The following RASGRF2 variants were observed in gnomAD, a reference collection of about 807,000 sequenced individuals.
The protein encoded by RASGRF2 is Ras protein specific guanine nucleotide releasing factor 2, also known as ras-specific guanine nucleotide-releasing factor 2.
A neutral mutation model predicts 151.0 loss-of-function variants in RASGRF2; 76 were observed. That is an observed-to-expected ratio of 0.50 (90% confidence interval 0.42 to 0.61). RASGRF2 has a LOEUF of 0.61. Ranked by LOEUF, RASGRF2 falls within the 20% of genes least tolerant of loss-of-function variation. RASGRF2 has a pLI of 0.00. For synonymous variants in RASGRF2, 504 were observed against 566.5 expected, an observed-to-expected ratio of 0.89 and a Z score of 1.57; for missense variants, 1,148 against 1,564.6, an observed-to-expected ratio of 0.73 and a Z score of 4.49.
intron 15 of RASGRF2, chr5:81,114,965 G>A (rs866405790): frequency 6.6e-6 from 1 of 152,146 alleles, no homozygotes; most frequent in African/African-American, 2.4e-5. Context: ...TGGAAGAGGT[G>A]ATTCTTGTTG....
chr5:81,132,062 G>GT (rs1192271207), intron 17 of RASGRF2, among the ~76,000 whole-genome samples: 2 of 151,974 alleles, frequency 1.3e-5, no homozygotes, highest in African/African-American at 4.8e-5. Flanking sequence ...TCCTTGCTTT[G>GT]TTTTTTTCCT....
At chr5:81,023,673 A>T (rs1345219090) in intron 1 of RASGRF2, among the ~76,000 whole-genome samples, 1 of 152,178 alleles carries the variant, frequency 6.6e-6, no homozygotes, top group Non-Finnish European at 1.5e-5. Flanking sequence ...TAACCTTTGG[A>T]TGTACTCTGC....
intron 17 of RASGRF2, among the ~76,000 whole-genome samples, chr5:81,175,958 C>G (rs544998796): frequency 2.5e-4 from 38 of 152,232 alleles, no homozygotes; most frequent in African/African-American, 9.1e-4. Flanking sequence ...GATGTCATCT[C>G]TCCAAGAGAC....
chr5:81,175,607 T>A (rs1754756218), intron 17 of RASGRF2, among the ~76,000 whole-genome samples: 1 of 151,616 alleles, frequency 6.6e-6, no homozygotes, highest in Non-Finnish European at 1.5e-5. Flanking sequence ...TGCAAAAAAA[T>A]TAGCTGGGCA....
intron 17 of RASGRF2, among the ~76,000 whole-genome samples, chr5:81,138,519 C>G (rs1408653475): frequency 6.6e-6 from 1 of 152,182 alleles, no homozygotes; most frequent in Admixed American, 6.5e-5. Flanking sequence ...CCTCTCCCTG[C>G]AAGAGCCATG....
chr5:81,194,704 G>A (rs1755223432), intron 18 of RASGRF2, among the ~76,000 whole-genome samples: 1 of 152,118 alleles, frequency 6.6e-6, no homozygotes, highest in Non-Finnish European at 1.5e-5. Context: ...TCAGTTTCCA[G>A]GCCCAGCCTC....
intron 1 of RASGRF2, among the ~76,000 whole-genome samples, chr5:81,026,529 C>T (rs940367022): frequency 6.6e-6 from 1 of 152,150 alleles, no homozygotes; most frequent in African/African-American, 2.4e-5. Context: ...ACTCTCAACA[C>T]TCCCAATGCA....
At chr5:81,017,566 T>C (rs1749678013) in intron 1 of RASGRF2, among the ~76,000 whole-genome samples, 1 of 152,224 alleles carries the variant, frequency 6.6e-6, no homozygotes, top group Non-Finnish European at 1.5e-5. Flanking sequence ...CCTCAGAAGA[T>C]GCGGAGGTGG....
intron 1 of RASGRF2, among the ~76,000 whole-genome samples, chr5:81,029,685 C>A (rs1410890065): frequency 6.6e-6 from 1 of 152,192 alleles, no homozygotes; most frequent in Non-Finnish European, 1.5e-5. Flanking sequence ...GATAAAACCA[C>A]AAAGATGGGG....
intron 17 of RASGRF2, among the ~76,000 whole-genome samples, chr5:81,153,971 G>A (rs567655113): frequency 3.3e-4 from 49 of 150,338 alleles, no homozygotes; most frequent in South Asian, 1.0e-3. Context: ...AGCAAAGAGC[G>A]GTGTTTTATA....
At chr5:81,195,543 C>A (rs1033698922) in intron 18 of RASGRF2, among the ~76,000 whole-genome samples, 3 of 147,570 alleles carry the variant, frequency 2.0e-5, no homozygotes, top group Admixed American at 6.7e-5. Flanking sequence ...ATCTAGATTT[C>A]TTTTACTTCT....
intron 7 of RASGRF2, 68 bp downstream of exon 7, chr5:81,080,857 C>G (rs1752066773): frequency 1.4e-6 from 2 of 1,429,676 alleles, no homozygotes; most frequent in Non-Finnish European, 1.9e-6. Flanking sequence ...CCTAGCGTGA[C>G]CAGCGTGAGA....
intron 23 of RASGRF2, 108 bp from the exon 24 acceptor site, chr5:81,215,768 G>A (rs1189762777): frequency 8.4e-6 from 11 of 1,306,126 alleles, no homozygotes; most frequent in African/African-American, 3.1e-5. Flanking sequence ...TTCTGGCAAA[G>A]GTGTCAGCAC....
At chr5:81,109,162 A>G (rs1409778451) in intron 13 of RASGRF2, 84 bp downstream of exon 13, 3 of 1,497,926 alleles carry the variant, frequency 2.0e-6, no homozygotes, top group South Asian at 1.3e-5. Context: ...ATACTGTGTC[A>G]ATAGAATTCT....
At chr5:81,151,326 C>T (rs1482514282) in intron 17 of RASGRF2, among the ~76,000 whole-genome samples, 1 of 151,524 alleles carries the variant, frequency 6.6e-6, no homozygotes, top group Non-Finnish European at 1.5e-5. Flanking sequence ...CATGTCTGGG[C>T]TCCATTCAGG....
intron 13 of RASGRF2, among the ~76,000 whole-genome samples, chr5:81,110,736 C>G (rs930585928): frequency 2.0e-5 from 3 of 152,154 alleles, no homozygotes; most frequent in African/African-American, 7.2e-5. Flanking sequence ...TCTAGCTCAG[C>G]CATCTTCTGG....
At chr5:81,058,247 C>T (rs1483601926) in intron 2 of RASGRF2, among the ~76,000 whole-genome samples, 5 of 150,062 alleles carry the variant, frequency 3.3e-5, no homozygotes, top group Non-Finnish European at 7.4e-5. Context: ...AGCGAAAATA[C>T]AAAATAAAAA....
intron 17 of RASGRF2, among the ~76,000 whole-genome samples, chr5:81,173,481 G>A (rs558279383): frequency 9.1e-4 from 139 of 152,294 alleles, no homozygotes; most frequent in Non-Finnish European, 1.7e-3. Flanking sequence ...CTAAAGTTGA[G>A]CTTCCATAAT....
chr5:81,056,812 C>T (rs1015046182), intron 2 of RASGRF2, among the ~76,000 whole-genome samples: 14 of 152,156 alleles, frequency 9.2e-5, no homozygotes, highest in African/African-American at 3.1e-4. Context: ...CTGGGTGCTC[C>T]TGTATTGGGT....
Sources: gnomAD v4.1 joint callset for allele counts (sites outside exome capture counted in the v4.1 genomes callset) on GRCh38, gnomAD v4.1.1 for gene constraint, MANE v1.5 for transcripts, NCBI Gene and HGNC (gene_info 2026-07-23, HGNC 2026-07-21) for gene names.